RORA: variants seen among roughly 807,000 people sequenced by gnomAD.
RORA encodes nuclear receptor ROR-alpha.
A neutral mutation model predicts 69.5 loss-of-function variants in RORA; 7 were observed. That is an observed-to-expected ratio of 0.10 (90% CI 0.06 to 0.19). The LOEUF is 0.19. Among genes scored for constraint, RORA ranks in the 10% least tolerant of loss-of-function variants. The pLI, the probability that RORA is intolerant of heterozygous loss-of-function variation, is 1.00. For missense variants in RORA, 457 were observed against 663.0 expected (o/e 0.69, Z 3.41); for synonymous variants, 261 against 240.8 (o/e 1.08, Z -0.78).
intron 1 of RORA, among the ~76,000 whole-genome samples, chr15:60,807,995 C>T (rs913995961): frequency 1.3e-5 from 2 of 152,100 alleles, no homozygotes; most frequent in African/African-American, 2.4e-5. Context: ...TCAGAAAAAC[C>T]CTTCTAGACA....
Position 60,511,281 on chromosome 15 carries a change from G to A in RORA, c.765C>T (p.Pro255=). 6.2e-7 allele frequency: 1 copy of A among 1,614,198 alleles called. No homozygotes were observed. The highest frequency in any genetic ancestry group is 8.5e-7 in the Non-Finnish European group (1 of 1,180,016). The change falls in exon 5 of 11, where the codon CCC becomes CCT. Residue 255 remains proline (P), a synonymous_variant. Transcript: ENST00000335670. This position sits in a 1 kb window ranked among gnomAD's most constrained non-coding sequence, Gnocchi z 6.4. ...CDYTPASGFF[P]YCSFTNGETS... Reference sequence around the variant, plus strand: ...TCTCGCCGTTGGTGAACGAACAGTAGGGAAAGAAGCCTGATGCTGGTGTGT... The same window carrying A: ...TCTCGCCGTTGGTGAACGAACAGTAAGGAAAGAAGCCTGATGCTGGTGTGT...
chr15:61,171,882 C>T (rs1433011277), intron 1 of RORA, among the ~76,000 whole-genome samples: 1 of 152,186 alleles, frequency 6.6e-6, no homozygotes, highest in Non-Finnish European at 1.5e-5. Context: ...TTCTTTGGGA[C>T]ACCGATCCTC....
At chr15:60,915,013 C>T (rs571172997) in intron 1 of RORA, among the ~76,000 whole-genome samples, 4 of 152,248 alleles carry the variant, frequency 2.6e-5, no homozygotes, top group Middle Eastern at 3.4e-3. Flanking sequence ...CATGCCTTTC[C>T]GAATGAGGAG....
At chr15:61,192,986 G>A (rs1467975600) in intron 1 of RORA, among the ~76,000 whole-genome samples, 22 of 151,892 alleles carry the variant, frequency 1.4e-4, no homozygotes, top group African/African-American at 7.2e-5. Flanking sequence ...TCCTTGGCAC[G>A]AAACCTTCAA....
intron 1 of RORA, among the ~76,000 whole-genome samples, chr15:60,819,765 A>ACACACACACACACACACACACG (rs2072866888): frequency 1.6e-5 from 2 of 124,342 alleles, no homozygotes; most frequent in Admixed American, 8.9e-5. Flanking sequence ...ACACACACAC[A>ACACACACACACACACACACACG]CACACACACA....
At chr15:60,981,737 T>C (rs1894049820) in intron 1 of RORA, among the ~76,000 whole-genome samples, 1 of 152,214 alleles carries the variant, frequency 6.6e-6, no homozygotes, top group Admixed American at 6.5e-5. Context: ...TAGTTTCAGC[T>C]TTTTGAATAT....
chr15:60,790,359 C>T (rs906258138), intron 1 of RORA, among the ~76,000 whole-genome samples: 1 of 152,204 alleles, frequency 6.6e-6, no homozygotes, highest in African/African-American at 2.4e-5. Flanking sequence ...CTTAACTCAA[C>T]TACAAATGTT....
intron 1 of RORA, among the ~76,000 whole-genome samples, chr15:60,865,204 G>T (rs12909611): frequency 6.6e-6 from 1 of 151,934 alleles, no homozygotes; most frequent in Non-Finnish European, 1.5e-5. Context: ...AGAGAACTTG[G>T]GTTCCAGTCT....
At chr15:60,910,898 T>G (rs7162302) in intron 1 of RORA, among the ~76,000 whole-genome samples, 69,639 of 132,342 alleles carry the variant, frequency 0.53, 18,925 homozygotes, top group Middle Eastern at 0.64. Context: ...TGTTGTTGTT[T>G]TTTGGGTTTT....
intron 1 of RORA, among the ~76,000 whole-genome samples, chr15:61,102,435 T>C (rs2078893098): frequency 6.6e-6 from 1 of 152,216 alleles, no homozygotes; most frequent in African/African-American, 2.4e-5. Flanking sequence ...GCCCCAACTG[T>C]CAGAGCCACA....
intron 1 of RORA, among the ~76,000 whole-genome samples, chr15:61,173,654 G>C (rs1358198995): frequency 6.6e-6 from 1 of 152,176 alleles, no homozygotes; most frequent in African/African-American, 2.4e-5. Flanking sequence ...TGACATTCAA[G>C]CCTCTTTTTT....
At chr15:60,767,616 G>A (rs2072010218) in intron 1 of RORA, among the ~76,000 whole-genome samples, 1 of 152,168 alleles carries the variant, frequency 6.6e-6, no homozygotes, top group Non-Finnish European at 1.5e-5. Flanking sequence ...TTCTCCCACT[G>A]AAACTCAACT....
At chr15:61,013,028 T>TCA (rs898291906) in intron 1 of RORA, among the ~76,000 whole-genome samples, 2 of 152,182 alleles carry the variant, frequency 1.3e-5, no homozygotes, top group Non-Finnish European at 2.9e-5. Flanking sequence ...ATGACAAACT[T>TCA]CCCTGAAATC....
At position 61,202,111 on chromosome 15, in the gene RORA, G is replaced by A. The variant is rs528360498; in HGVS notation, c.166+26942C>T. ...CAACCTCCGCCTCCCAGGTTCAAGCGATTCTCCTGCCTTAGCCTCCCAAGT... is the reference window on the plus strand; with the variant it reads ...CAACCTCCGCCTCCCAGGTTCAAGCAATTCTCCTGCCTTAGCCTCCCAAGT... On this transcript the variant is annotated intron_variant, in intron 1 of 10. Transcript: ENST00000335670. Among the ~76,000 whole-genome samples, 14 of 151,396 alleles carry A rather than the reference G, an allele frequency of 9.2e-5. No individual in the cohort carries two copies. In the East Asian group the frequency reaches 1.9e-3, roughly 21 times the overall value.
At chr15:60,947,053 G>A (rs534566987) in intron 1 of RORA, among the ~76,000 whole-genome samples, 8 of 87,266 alleles carry the variant, frequency 9.2e-5, no homozygotes, top group Admixed American at 7.6e-4. Context: ...CGCCCCGTCC[G>A]GGAGGGAGGT....
intron 1 of RORA, among the ~76,000 whole-genome samples, chr15:61,020,452 T>C (rs17303341): frequency 0.04 from 6,091 of 152,308 alleles, 251 homozygotes; most frequent in East Asian, 0.22. Context: ...CTTTGGGCAG[T>C]GACTCAATAC....
At chr15:60,798,049 G>A (rs1005859187) in intron 1 of RORA, among the ~76,000 whole-genome samples, 4 of 152,026 alleles carry the variant, frequency 2.6e-5, no homozygotes, top group African/African-American at 9.7e-5. Flanking sequence ...CTGATCCATT[G>A]AGCTTGAACT....
At chr15:61,074,320 G>T (rs1266204769) in intron 1 of RORA, among the ~76,000 whole-genome samples, 1 of 152,178 alleles carries the variant, frequency 6.6e-6, no homozygotes, top group Non-Finnish European at 1.5e-5. Context: ...GAAGCCATTT[G>T]AGAACCCATA....
At chr15:61,030,485 C>G (rs1469103177) in intron 1 of RORA, among the ~76,000 whole-genome samples, 1 of 152,108 alleles carries the variant, frequency 6.6e-6, no homozygotes, top group Non-Finnish European at 1.5e-5. Flanking sequence ...GTGGGCATGA[C>G]CCATGTGAGA....
Sources: allele counts gnomAD v4.1 joint callset (sites outside exome capture counted in the v4.1 genomes callset), GRCh38; gene constraint gnomAD v4.1.1; non-coding constraint Gnocchi (gnomAD v3.1); transcripts MANE v1.5; gene names NCBI Gene and HGNC (gene_info 2026-07-23, HGNC 2026-07-21).